PALM2AKAP2: variants seen among roughly 807,000 people sequenced by gnomAD.
The protein encoded by PALM2AKAP2 is PALM2 and AKAP2 fusion.
A neutral mutation model predicts 71.5 loss-of-function variants in PALM2AKAP2; 37 were observed. The ratio of observed to expected loss-of-function variants is 0.52; its 90% confidence interval spans 0.40 to 0.68. The LOEUF is 0.68. Among genes scored for constraint, PALM2AKAP2 ranks in the 30% least tolerant of loss-of-function variants. The pLI is 0.00. For missense variants in PALM2AKAP2, 1,224 were observed against 1,191.8 expected, an observed-to-expected ratio of 1.03 and a Z score of -0.40; for synonymous variants, 468 against 478.8, an observed-to-expected ratio of 0.98 and a Z score of 0.29.
At chr9:109,970,203 A>G (rs1467677867) in intron 6 of PALM2AKAP2, among the ~76,000 whole-genome samples, 2 of 152,242 alleles carry the variant, frequency 1.3e-5, no homozygotes, top group East Asian at 1.9e-4. Context: ...GTAAAGTACA[A>G]TGAAAGTGAA....
chr9:109,698,658 G>A (rs1828008767), intron 1 of PALM2AKAP2, among the ~76,000 whole-genome samples: 1 of 152,088 alleles, frequency 6.6e-6, no homozygotes, highest in African/African-American at 2.4e-5. Flanking sequence ...TCTCACTCCC[G>A]CCACATTGGT....
At chr9:109,815,698 T>A (rs1330035178) in intron 1 of PALM2AKAP2, among the ~76,000 whole-genome samples, 2 of 152,174 alleles carry the variant, frequency 1.3e-5, no homozygotes, top group South Asian at 2.1e-4. Context: ...AAAAGCAGGT[T>A]CAGTGAGGTT....
intron 1 of PALM2AKAP2, among the ~76,000 whole-genome samples, chr9:109,819,930 A>C (rs1006762376): frequency 6.6e-6 from 1 of 152,202 alleles, no homozygotes; most frequent in African/African-American, 2.4e-5. Flanking sequence ...GGTGTTTATA[A>C]TCATGAAAAA....
At chr9:109,845,019 C>T (rs561793580) in intron 1 of PALM2AKAP2, among the ~76,000 whole-genome samples, 28 of 151,974 alleles carry the variant, frequency 1.8e-4, no homozygotes, top group Non-Finnish European at 3.4e-4. Flanking sequence ...GGAAGTCATT[C>T]GTGAAGATGC....
At chr9:110,006,363 T>TTTCTTTCTTTC (rs1554736950) in intron 6 of PALM2AKAP2, among the ~76,000 whole-genome samples, 25 of 149,950 alleles carry the variant, frequency 1.7e-4, no homozygotes, top group Admixed American at 1.3e-3. Flanking sequence ...TCTTTCTTTC[T>TTTCTTTCTTTC]TTCTTTCTTC....
intron 1 of PALM2AKAP2, among the ~76,000 whole-genome samples, chr9:110,091,555 C>T (rs1466109607): frequency 9.9e-5 from 15 of 150,796 alleles, no homozygotes; most frequent in Non-Finnish European, 1.9e-4. Context: ...CTCTACCTCC[C>T]GGGTTCATGC....
At chr9:109,740,013 C>G (rs1308607739) in intron 1 of PALM2AKAP2, among the ~76,000 whole-genome samples, 2 of 152,228 alleles carry the variant, frequency 1.3e-5, no homozygotes, top group Non-Finnish European at 2.9e-5. Flanking sequence ...TCTTGAAACA[C>G]ATCTGTGATT....
chr9:110,098,844 C>G (rs76539778), intron 1 of PALM2AKAP2, among the ~76,000 whole-genome samples: 8,768 of 152,270 alleles, frequency 0.058, 343 homozygotes, highest in Non-Finnish European at 0.089. Flanking sequence ...TCCACATTTT[C>G]GAAGACTTCA....
intron 1 of PALM2AKAP2, among the ~76,000 whole-genome samples, chr9:109,744,968 G>A (rs1290886824): frequency 6.6e-6 from 1 of 152,156 alleles, no homozygotes; most frequent in Non-Finnish European, 1.5e-5. Flanking sequence ...GTCCATGCAT[G>A]CCCTCAGTCC....
At chr9:110,055,332 A>G (rs1833812151) in intron 1 of PALM2AKAP2, among the ~76,000 whole-genome samples, 1 of 152,060 alleles carries the variant, frequency 6.6e-6, no homozygotes. Flanking sequence ...AGTAGCTGGG[A>G]TTACAGGCGT....
intron 3 of PALM2AKAP2, among the ~76,000 whole-genome samples, chr9:109,903,069 G>C (rs1040206419): frequency 2.6e-5 from 4 of 152,060 alleles, no homozygotes; most frequent in Non-Finnish European, 1.5e-5. Flanking sequence ...TATCACTCCT[G>C]GCCCAGGTCA....
chr9:109,871,794 A>G (rs1829607852), intron 2 of PALM2AKAP2, among the ~76,000 whole-genome samples: 1 of 152,154 alleles, frequency 6.6e-6, no homozygotes, highest in African/African-American at 2.4e-5. Context: ...ATAAAATCCC[A>G]TGGAGCATTC....
chr9:110,046,808 A>G (rs1833606824), upstream of PALM2AKAP2, among the ~76,000 whole-genome samples: 1 of 152,172 alleles, frequency 6.6e-6, no homozygotes, highest in African/African-American at 2.4e-5. Context: ...TTTTGTTTGT[A>G]AATTTTACAC....
chr9:109,898,089 TTC>T (rs1830245349), intron 3 of PALM2AKAP2, among the ~76,000 whole-genome samples: 1 of 152,268 alleles, frequency 6.6e-6, no homozygotes, highest in African/African-American at 2.4e-5. Context: ...ATTTGTGGAT[TTC>T]TCTCTTCTCA....
chr9:110,011,014 A>AAATATATAT (rs35212981), intron 6 of PALM2AKAP2, among the ~76,000 whole-genome samples: 77 of 69,578 alleles, frequency 1.1e-3, no homozygotes, highest in African/African-American at 5.8e-3. Flanking sequence ...AAAAAAAAAA[A>AAATATATAT]ATATATATAT....
chr9:109,894,022 T>C (rs562686490), intron 3 of PALM2AKAP2, among the ~76,000 whole-genome samples: 2 of 113,186 alleles, frequency 1.8e-5, no homozygotes, highest in African/African-American at 6.1e-5. Flanking sequence ...CAGTTGCTTA[T>C]TTAAAAAAAA....
intron 1 of PALM2AKAP2, among the ~76,000 whole-genome samples, chr9:110,119,426 A>C (rs1414127051): frequency 2.0e-5 from 3 of 152,060 alleles, no homozygotes; most frequent in African/African-American, 7.2e-5. Flanking sequence ...ATTATTGCAA[A>C]GATTGCGGCA....
chr9:109,875,675 A>G (rs1829705995), intron 2 of PALM2AKAP2, among the ~76,000 whole-genome samples: 1 of 152,174 alleles, frequency 6.6e-6, no homozygotes, highest in Non-Finnish European at 1.5e-5. Context: ...GGAGGTCGTT[A>G]AAATTCAAAT....
At chr9:109,772,524 G>T (rs1469952191) in intron 1 of PALM2AKAP2, among the ~76,000 whole-genome samples, 1 of 152,160 alleles carries the variant, frequency 6.6e-6, no homozygotes, top group African/African-American at 2.4e-5. Context: ...CTTCTCTTCT[G>T]CTTATCTCTG....
Sources: allele counts gnomAD v4.1 joint callset (sites outside exome capture counted in the v4.1 genomes callset), GRCh38; gene constraint gnomAD v4.1.1; transcripts MANE v1.5; gene names NCBI Gene and HGNC (gene_info 2026-07-23, HGNC 2026-07-21).